ZMYM4: variants seen among roughly 807,000 people sequenced by gnomAD.
ZMYM4 encodes the protein zinc finger MYM-type protein 4.
ZMYM4 carries 31 observed loss-of-function variants against 183.2 expected under a neutral mutation model. The observed-to-expected ratio is 0.17, with a 90% CI of 0.13 to 0.23. The LOEUF (loss-of-function observed/expected upper bound fraction) is 0.23. ZMYM4 is among the 10% of genes least tolerant of loss of function. The pLI, the probability that ZMYM4 is intolerant of heterozygous loss-of-function variation, is 1.00. For missense variants in ZMYM4, 1,273 were observed against 1,840.3 expected, an observed-to-expected ratio of 0.69 and a Z score of 5.64; for synonymous variants, 592 against 631.2, an observed-to-expected ratio of 0.94 and a Z score of 0.93.
At chr1:35,394,878 C>T (rs1431291729) in intron 18 of ZMYM4, among the ~76,000 whole-genome samples, 3 of 152,040 alleles carry the variant, frequency 2.0e-5, no homozygotes, top group African/African-American at 7.3e-5. Flanking sequence ...GTTTGGGAGG[C>T]TGAGGCAGGA....
intron 7 of ZMYM4, among the ~76,000 whole-genome samples, chr1:35,371,942 A>G (rs919469844): frequency 6.6e-6 from 1 of 152,150 alleles, no homozygotes; most frequent in Non-Finnish European, 1.5e-5. Context: ...TGGAATCTCT[A>G]TTTTTATTGT....
Position 35,419,739 on chromosome 1 carries a change from G to C in ZMYM4, c.*62G>C. On this transcript the variant is annotated 3_prime_UTR_variant, in exon 30 of 30. Coordinates refer to ENST00000314607, the MANE Select transcript of ZMYM4 (RefSeq NM_005095.3). ...ATGCACCAAACTGTGAATGCATCCA[G>C]CTGTTGGAAAATGATGTATAAGTCT... is the stretch of plus-strand genomic sequence containing the variant. The C allele has an allele frequency of 2.0e-6, 3 of 1,534,848 alleles. No individual in the cohort carries two copies. The highest frequency in any genetic ancestry group is 2.3e-5 in the South Asian group (2 of 86,944).
rs551880794 is a variant in ZMYM4, at chr1:35,383,656, A to G, written c.1570-1786A>G. Among the ~76,000 whole-genome samples, 9 of 152,306 alleles carry G rather than the reference A, an allele frequency of 5.9e-5. No homozygotes were observed. In the East Asian group the frequency reaches 1.7e-3, roughly 29 times the overall value. ...ACTAAAAGTTACCTGGATTCAGTCC[A>G]TTGAAAGATGAGTGATAGTCCACAA... On this transcript the variant is annotated intron_variant, in intron 9 of 29. Coordinates refer to ENST00000314607, the MANE Select transcript of ZMYM4 (RefSeq NM_005095.3).
intron 7 of ZMYM4, chr1:35,370,923 T>C (rs1174992546): frequency 4.0e-6 from 1 of 251,780 alleles, no homozygotes; most frequent in East Asian, 7.6e-5. Context: ...AAAGTGCACA[T>C]TTAGGGATAT....
At chr1:35,399,950 G>C (rs1055233877) in intron 23 of ZMYM4, 18 of 164,634 alleles carry the variant, frequency 1.1e-4, no homozygotes, top group Non-Finnish European at 2.0e-4. Context: ...AGACCATCCT[G>C]GCTAACATGG....
At chr1:35,410,679 G>C (rs905332809) in intron 26 of ZMYM4, among the ~76,000 whole-genome samples, 43 of 147,742 alleles carry the variant, frequency 2.9e-4, no homozygotes, top group African/African-American at 1.1e-3. Flanking sequence ...TTCCAGTAGA[G>C]ACGGGGTTTC....
At chr1:35,340,743 G>A (rs527515819) in intron 2 of ZMYM4, among the ~76,000 whole-genome samples, 2 of 152,282 alleles carry the variant, frequency 1.3e-5, no homozygotes, top group Admixed American at 6.5e-5. Flanking sequence ...TGTAAATACA[G>A]ATGAAGCTTT....
chr1:35,273,748 A>G (rs1639730918), intron 1 of ZMYM4, among the ~76,000 whole-genome samples: 1 of 152,216 alleles, frequency 6.6e-6, no homozygotes, highest in South Asian at 2.1e-4. Flanking sequence ...ATGAACTTAG[A>G]GAAAATTGTG....
chr1:35,375,325 C>T (rs941356962), intron 7 of ZMYM4, among the ~76,000 whole-genome samples: 11 of 152,122 alleles, frequency 7.2e-5, no homozygotes, highest in Non-Finnish European at 1.0e-4. Context: ...GTGATTACAA[C>T]AGTTTGGTAT....
At chr1:35,331,524 G>A (rs1381944190) in intron 2 of ZMYM4, among the ~76,000 whole-genome samples, 2 of 151,982 alleles carry the variant, frequency 1.3e-5, no homozygotes, top group Admixed American at 6.6e-5. Flanking sequence ...AGTGGCTCAC[G>A]CCTGTAATCC....
intron 5 of ZMYM4, among the ~76,000 whole-genome samples, chr1:35,364,174 T>A (rs186639635): frequency 2.6e-5 from 4 of 152,320 alleles, no homozygotes; most frequent in Admixed American, 2.6e-4. Flanking sequence ...TCATCATGAT[T>A]ATGGGAAGAA....
chr1:35,316,080 C>T (rs1357731106), intron 1 of ZMYM4, among the ~76,000 whole-genome samples: 1 of 152,182 alleles, frequency 6.6e-6, no homozygotes, highest in Non-Finnish European at 1.5e-5. Flanking sequence ...TTATGCCTAG[C>T]TTGAGAGTGA....
At chr1:35,283,892 A>G (rs1570246580) in intron 1 of ZMYM4, among the ~76,000 whole-genome samples, 2 of 152,140 alleles carry the variant, frequency 1.3e-5, no homozygotes, top group East Asian at 3.9e-4. Context: ...AAAATAATTT[A>G]CAAATATTTT....
chr1:35,305,749 T>A (rs1260952952), intron 1 of ZMYM4, among the ~76,000 whole-genome samples: 1 of 151,776 alleles, frequency 6.6e-6, no homozygotes, highest in Non-Finnish European at 1.5e-5. Context: ...TTTTCTTGCT[T>A]TGTTGCCCAG....
At chr1:35,294,134 CAA>C (rs566640178) in intron 1 of ZMYM4, among the ~76,000 whole-genome samples, 2,626 of 126,836 alleles carry the variant, frequency 0.021, 69 homozygotes, top group African/African-American at 0.065. Flanking sequence ...GACACTGTCT[CAA>C]AAAAAAAAAA....
intron 28 of ZMYM4, among the ~76,000 whole-genome samples, chr1:35,418,032 C>T (rs1319822496): frequency 2.0e-5 from 3 of 151,832 alleles, no homozygotes; most frequent in Non-Finnish European, 4.4e-5. Context: ...GAGATGGCAA[C>T]TTCTGTCTTG....
intron 2 of ZMYM4, among the ~76,000 whole-genome samples, chr1:35,345,287 T>C (rs12042009): frequency 0.033 from 4,966 of 152,282 alleles, 262 homozygotes; most frequent in East Asian, 0.25. Context: ...TTTTGTAAAG[T>C]TGTTAATCAT....
At chr1:35,371,816 G>A (rs575193403) in intron 7 of ZMYM4, among the ~76,000 whole-genome samples, 40 of 152,230 alleles carry the variant, frequency 2.6e-4, no homozygotes, top group African/African-American at 7.7e-4. Context: ...TATGCACATC[G>A]TTTATGCTTC....
chr1:35,410,106 G>A (rs1639821806), intron 26 of ZMYM4, among the ~76,000 whole-genome samples: 1 of 152,106 alleles, frequency 6.6e-6, no homozygotes. Flanking sequence ...CATGGCAAGA[G>A]AGTGAGGACG....
Sources: gnomAD v4.1 joint callset for allele counts (sites outside exome capture counted in the v4.1 genomes callset) on GRCh38, gnomAD v4.1.1 for gene constraint, MANE v1.5 for transcripts, NCBI Gene and HGNC (gene_info 2026-07-23, HGNC 2026-07-21) for gene names.